BABAM2: variants seen among roughly 807,000 people sequenced by gnomAD.
BABAM2 encodes the protein BRISC and BRCA1 A complex member 2.
In BABAM2, 31 loss-of-function variants were observed where a neutral mutation model predicts 54.7. The ratio of observed to expected loss-of-function variants is 0.57; its 90% confidence interval spans 0.43 to 0.77. The LOEUF is 0.77. Ranked by LOEUF, BABAM2 falls within the 30% of genes least tolerant of loss-of-function variation. The pLI is 0.00. For synonymous variants in BABAM2, 167 were observed against 162.9 expected (o/e 1.03, Z -0.19); for missense variants, 364 against 455.8 (o/e 0.80, Z 1.83).
chr2:28,026,938 A>ATATATATT (rs1558667891), intron 5 of BABAM2, among the ~76,000 whole-genome samples: 2 of 11,032 alleles, frequency 1.8e-4, no homozygotes, highest in Admixed American at 3.7e-3. Context: ...ATATATATAT[A>ATATATATT]AATATATATT....
intron 4 of BABAM2, among the ~76,000 whole-genome samples, chr2:28,001,117 T>A (rs1673548131): frequency 6.6e-6 from 1 of 152,198 alleles, no homozygotes; most frequent in Non-Finnish European, 1.5e-5. Flanking sequence ...AGCAAGGAAA[T>A]GTGCATATCT....
At chr2:28,188,354 C>T (rs1312633897) in intron 7 of BABAM2, among the ~76,000 whole-genome samples, 2 of 152,112 alleles carry the variant, frequency 1.3e-5, no homozygotes, top group African/African-American at 4.8e-5. Context: ...CTGGGGTGGG[C>T]GGAGGGAAGG....
chr2:28,026,887 GATATATATAAATAT>G (rs1414956339), intron 5 of BABAM2, among the ~76,000 whole-genome samples: 1 of 60,938 alleles, frequency 1.6e-5, no homozygotes, highest in African/African-American at 8.8e-5. Flanking sequence ...TATATATATA[GATATATATAAATAT>G]ATATAAATAT....
chr2:27,909,917 A>T (rs1666457110), intron 2 of BABAM2, among the ~76,000 whole-genome samples: 1 of 152,142 alleles, frequency 6.6e-6, no homozygotes, highest in African/African-American at 2.4e-5. Flanking sequence ...AGCTGTTATC[A>T]TTAATAATTT....
chr2:28,338,141 C>G (rs1199669787), intron 11 of BABAM2, among the ~76,000 whole-genome samples: 3 of 152,318 alleles, frequency 2.0e-5, no homozygotes, highest in South Asian at 4.1e-4. Flanking sequence ...TAGCTTGGAC[C>G]AGGCCCTTGT....
At chr2:28,004,368 A>G (rs1467118894) in intron 4 of BABAM2, among the ~76,000 whole-genome samples, 1 of 152,208 alleles carries the variant, frequency 6.6e-6, no homozygotes, top group Non-Finnish European at 1.5e-5. Context: ...TATACGTTTT[A>G]AGAATGTTTT....
At chr2:27,919,394 G>A (rs1573166817) in intron 2 of BABAM2, among the ~76,000 whole-genome samples, 1 of 152,136 alleles carries the variant, frequency 6.6e-6, no homozygotes, top group East Asian at 1.9e-4. Context: ...TTGAATTAAA[G>A]TGATGAGAGT....
chr2:28,029,504 A>G (rs1173001536), intron 5 of BABAM2, among the ~76,000 whole-genome samples: 1 of 152,296 alleles, frequency 6.6e-6, no homozygotes, highest in East Asian at 1.9e-4. Flanking sequence ...TCTGAGGTTC[A>G]TCAATGTTGT....
intron 3 of BABAM2, among the ~76,000 whole-genome samples, chr2:27,986,933 AAAG>A (rs1672439107): frequency 1.3e-5 from 2 of 152,324 alleles, no homozygotes; most frequent in Admixed American, 1.3e-4. Context: ...GCAGAGGAAA[AAAG>A]GGAGCTACAG....
chr2:27,972,065 G>C (rs1291362770), intron 3 of BABAM2, among the ~76,000 whole-genome samples: 1 of 152,146 alleles, frequency 6.6e-6, no homozygotes, highest in Non-Finnish European at 1.5e-5. Context: ...TATTACATCT[G>C]AAGATGGACA....
At chr2:28,099,929 T>C (rs989566525) in intron 6 of BABAM2, among the ~76,000 whole-genome samples, 9 of 152,186 alleles carry the variant, frequency 5.9e-5, no homozygotes, top group African/African-American at 2.2e-4. Context: ...GGATTTATAA[T>C]GCCCTAATTA....
intron 4 of BABAM2, among the ~76,000 whole-genome samples, chr2:28,021,347 T>G (rs1675250474): frequency 6.6e-6 from 1 of 152,112 alleles, no homozygotes; most frequent in Non-Finnish European, 1.5e-5. Flanking sequence ...GTGGAGGAAC[T>G]TAGGAAGGGT....
intron 10 of BABAM2, among the ~76,000 whole-genome samples, chr2:28,282,289 C>G (rs1390324673): frequency 6.6e-6 from 1 of 152,076 alleles, no homozygotes; most frequent in Non-Finnish European, 1.5e-5. Flanking sequence ...TGCCCTTGAG[C>G]TTAACTTGGT....
chr2:28,126,774 T>G (rs1215128379), intron 6 of BABAM2, among the ~76,000 whole-genome samples: 9 of 148,748 alleles, frequency 6.1e-5, no homozygotes, highest in Non-Finnish European at 5.9e-5. Flanking sequence ...TGTAAAAGTG[T>G]TCCTATTTCT....
At chr2:28,052,870 T>C (rs1678103740) in intron 6 of BABAM2, among the ~76,000 whole-genome samples, 1 of 152,188 alleles carries the variant, frequency 6.6e-6, no homozygotes. Flanking sequence ...CATCTGCCCT[T>C]AGGAACAGGG....
intron 10 of BABAM2, among the ~76,000 whole-genome samples, chr2:28,256,775 G>A (rs1684015843): frequency 6.9e-6 from 1 of 144,180 alleles, no homozygotes; most frequent in Non-Finnish European, 1.5e-5. Context: ...GCTCACTGCA[G>A]CCTCTGTCTC....
intron 11 of BABAM2, chr2:28,310,396 G>A: frequency 2.3e-6 from 1 of 440,604 alleles, no homozygotes; most frequent in Non-Finnish European, 4.1e-6. Flanking sequence ...GGTCCCCTCA[G>A]GCCATCTCTC....
intron 11 of BABAM2, among the ~76,000 whole-genome samples, chr2:28,326,948 A>T (rs74452194): frequency 6.6e-6 from 1 of 151,812 alleles, no homozygotes; most frequent in Non-Finnish European, 1.5e-5. Flanking sequence ...ACATTCTATC[A>T]TTCTAAAGTA....
At chr2:28,275,950 T>G (rs56069215) in intron 10 of BABAM2, among the ~76,000 whole-genome samples, 36,631 of 151,572 alleles carry the variant, frequency 0.24, 5,599 homozygotes, top group Non-Finnish European at 0.35. Flanking sequence ...AATCATATGT[T>G]TTTTAAAACA....
Sources: allele counts gnomAD v4.1 joint callset (sites outside exome capture counted in the v4.1 genomes callset), GRCh38; gene constraint gnomAD v4.1.1; transcripts MANE v1.5; gene names NCBI Gene and HGNC (gene_info 2026-07-23, HGNC 2026-07-21).